The following SFMBT1 variants were observed in gnomAD, a reference collection of about 807,000 sequenced individuals.
SFMBT1 encodes Scm like with four mbt domains 1.
A neutral mutation model predicts 108.7 loss-of-function variants in SFMBT1; 32 were observed. The observed-to-expected ratio is 0.29, with a 90% CI of 0.22 to 0.40. SFMBT1 has a LOEUF of 0.40. Ranked by LOEUF, SFMBT1 falls within the 10% of genes least tolerant of loss-of-function variation. The pLI is 1.00. For synonymous variants in SFMBT1, 348 were observed against 369.5 expected, an observed-to-expected ratio of 0.94 and a Z score of 0.67; for missense variants, 816 against 1,059.6, an observed-to-expected ratio of 0.77 and a Z score of 3.19.
chr3:53,030,838 TTTA>T (rs1326802429), intron 1 of SFMBT1, among the ~76,000 whole-genome samples: 1 of 152,198 alleles, frequency 6.6e-6, no homozygotes, highest in Non-Finnish European at 1.5e-5. Context: ...AATCATATTT[TTTA>T]TGAGTCAACA....
intron 6 of SFMBT1, 76 bp from the exon 7 acceptor site, chr3:52,931,111 A>C: frequency 1.5e-6 from 2 of 1,335,892 alleles, no homozygotes; most frequent in Middle Eastern, 1.9e-4. Context: ...GCATTCACAT[A>C]AACAAAAACA....
rs59842273 is a variant in SFMBT1, at chr3:52,949,568, CTTTTTTTTTTT to C, written c.123+4738_123+4748del. 2.3e-4 allele frequency among the ~76,000 whole-genome samples: 18 copies of C among 77,414 alleles called. 1 individual carries two copies. The South Asian group carries it at 3.0e-3, about 13-fold the overall frequency. 50.8% of individuals were successfully genotyped at this position (77,414 alleles called of 152,430 possible). On this transcript the variant is annotated intron_variant, in intron 3 of 20. Transcript: ENST00000394752. The stretch of plus-strand genomic sequence containing the variant: ...CCCTTTATTATTATGTAATGTCCTT[CTTTTTTTTTTT>C]TTTTTTTTTTTTTTTTGAGACCGAG...
intron 3 of SFMBT1, among the ~76,000 whole-genome samples, chr3:52,946,776 CT>C (rs34235258): frequency 4.8e-5 from 7 of 145,248 alleles, no homozygotes; most frequent in African/African-American, 1.0e-4. Context: ...TGCTCCATTC[CT>C]TTTTTTTTTT....
chr3:52,999,644 C>T (rs987932762), intron 1 of SFMBT1, among the ~76,000 whole-genome samples: 1 of 150,072 alleles, frequency 6.7e-6, no homozygotes, highest in African/African-American at 2.4e-5. Context: ...ATGTCACTGG[C>T]CAAAGGTCAT....
At chr3:52,920,447 C>T in intron 12 of SFMBT1, 90 bp downstream of exon 12, 14 of 880,254 alleles carry the variant, frequency 1.6e-5, no homozygotes, top group Admixed American at 1.3e-4. Flanking sequence ...CATTTTTTTT[C>T]TCTGAAATGT....
chr3:52,992,733 G>A (rs1219406198), intron 1 of SFMBT1, among the ~76,000 whole-genome samples: 1 of 152,186 alleles, frequency 6.6e-6, no homozygotes, highest in Non-Finnish European at 1.5e-5. Context: ...ACTCCACAAT[G>A]TAAAGGAAAC....
At chr3:52,977,379 C>T (rs1704553080) in intron 1 of SFMBT1, among the ~76,000 whole-genome samples, 3 of 152,108 alleles carry the variant, frequency 2.0e-5, no homozygotes, top group East Asian at 1.9e-4. Flanking sequence ...GGCCTAGTGG[C>T]GGGCGCCTGT....
intron 4 of SFMBT1, among the ~76,000 whole-genome samples, chr3:52,941,728 C>T (rs1199675613): frequency 5.3e-5 from 8 of 151,250 alleles, no homozygotes; most frequent in African/African-American, 1.9e-4. Context: ...GAAACTCTGT[C>T]TCTACAAAAA....
chr3:52,994,757 C>T (rs1047683872), intron 1 of SFMBT1, among the ~76,000 whole-genome samples: 3 of 150,214 alleles, frequency 2.0e-5, no homozygotes, highest in African/African-American at 7.3e-5. Flanking sequence ...ACCTTGGCTT[C>T]CCAAAGTGCT....
chr3:52,914,385 G>C (rs533237154), intron 14 of SFMBT1, among the ~76,000 whole-genome samples: 1 of 152,264 alleles, frequency 6.6e-6, no homozygotes, highest in Admixed American at 6.5e-5. Context: ...TGCGCACACT[G>C]CCCATTGTTG....
At chr3:53,008,215 G>A (rs1016979737) in intron 1 of SFMBT1, among the ~76,000 whole-genome samples, 14 of 152,256 alleles carry the variant, frequency 9.2e-5, no homozygotes, top group African/African-American at 3.4e-4. Flanking sequence ...TGATGGTTAT[G>A]TTGTACTTAT....
chr3:52,943,365 C>T lies in SFMBT1; in HGVS notation c.352G>A (p.Glu118Lys), dbSNP rs553226022. 6.2e-7 allele frequency: 1 copy of T among 1,614,070 alleles called. No individual in the cohort carries two copies. The highest frequency in any genetic ancestry group is 8.5e-7 in the Non-Finnish European group (1 of 1,180,016). ...AGTATTTCATTACCTTCTGGGGCTTCAAGGGTCTTCTTATTCTGCTCACAC... is the reference window on the plus strand; with the variant it reads ...AGTATTTCATTACCTTCTGGGGCTTTAAGGGTCTTCTTATTCTGCTCACAC... ...GWCEQNKKTL[E>K]APEGIRDKVS... The change falls in exon 4 of 21, where the codon GAA becomes AAA. Residue 118 changes from glutamate (E) to lysine (K), a missense_variant. Transcript: ENST00000394752.
intron 2 of SFMBT1, among the ~76,000 whole-genome samples, chr3:52,960,693 T>A (rs942418355): frequency 1.3e-5 from 2 of 152,162 alleles, no homozygotes; most frequent in Admixed American, 1.3e-4. Flanking sequence ...AAAGAGGGAC[T>A]CAAACATGTA....
chr3:52,922,169 A>G (rs1256031190), intron 10 of SFMBT1, among the ~76,000 whole-genome samples: 1 of 152,188 alleles, frequency 6.6e-6, no homozygotes, highest in Non-Finnish European at 1.5e-5. Flanking sequence ...CAAGGTATCA[A>G]TGAAATAGTC....
chr3:53,006,554 G>A (rs923796718), intron 1 of SFMBT1, among the ~76,000 whole-genome samples: 6 of 151,394 alleles, frequency 4.0e-5, no homozygotes, highest in East Asian at 1.9e-4. Context: ...ACTTGAACCC[G>A]GGAGACAGAG....
chr3:52,906,323 T>G, intron 19 of SFMBT1, 82 bp from the exon 20 acceptor site: 1 of 1,600,610 alleles, frequency 6.2e-7, no homozygotes, highest in Non-Finnish European at 8.6e-7. Context: ...AAATTCATAA[T>G]CTTTCAAGAC....
chr3:53,004,338 T>C (rs1056952061), intron 1 of SFMBT1, among the ~76,000 whole-genome samples: 2 of 148,608 alleles, frequency 1.3e-5, no homozygotes, highest in African/African-American at 2.4e-5. Context: ...AGTGGCGTGA[T>C]CTCAGCTCAC....
intron 1 of SFMBT1, among the ~76,000 whole-genome samples, chr3:53,035,440 G>T (rs1699838351): frequency 6.6e-6 from 1 of 152,160 alleles, no homozygotes; most frequent in Admixed American, 6.5e-5. Flanking sequence ...AACAAGGTTT[G>T]TATTTTTCAC....
intron 1 of SFMBT1, among the ~76,000 whole-genome samples, chr3:53,022,866 A>G (rs1343796364): frequency 6.6e-6 from 1 of 152,248 alleles, no homozygotes; most frequent in Non-Finnish European, 1.5e-5. Flanking sequence ...CACTATGAAC[A>G]TAGTCATACC....
Sources: allele counts gnomAD v4.1 joint callset (sites outside exome capture counted in the v4.1 genomes callset), GRCh38; gene constraint gnomAD v4.1.1; transcripts MANE v1.5; gene names NCBI Gene and HGNC (gene_info 2026-07-23, HGNC 2026-07-21).